The following ANK3 variants were observed in gnomAD, a reference collection of about 807,000 sequenced individuals.
ANK3 encodes the protein ankyrin 3.
Under a neutral mutation model 370.9 loss-of-function variants are expected in ANK3, and 57 were observed. The observed-to-expected ratio is 0.15, with a 90% confidence interval of 0.12 to 0.19. The LOEUF is 0.19. Among genes scored for constraint, ANK3 ranks in the 10% least tolerant of loss-of-function variants. ANK3 has a pLI of 1.00. For synonymous variants in ANK3, 1,929 were observed against 1,946.3 expected (o/e 0.99, Z 0.23); for missense variants, 4,439 against 5,302.1 (o/e 0.84, Z 5.06).
At chr10:60,525,655 C>T (rs1204614718) in intron 2 of ANK3, among the ~76,000 whole-genome samples, 1 of 151,976 alleles carries the variant, frequency 6.6e-6, no homozygotes, top group South Asian at 2.1e-4. Flanking sequence ...TTTTATTTTG[C>T]CAATATAAAA....
At chr10:60,064,349 AAAGT>A (rs1209617604) in intron 38 of ANK3, 61 bp from the exon 39 acceptor site, 1 of 1,477,812 alleles carries the variant, frequency 6.8e-7, no homozygotes, top group East Asian at 2.4e-5. Context: ...ACGTTTCATA[AAAGT>A]AATGCTCAAT....
At chr10:60,185,989 TCTC>T (rs1318134619) in intron 17 of ANK3, among the ~76,000 whole-genome samples, 3 of 152,138 alleles carry the variant, frequency 2.0e-5, no homozygotes, top group East Asian at 1.9e-4. Context: ...GCCAACAACT[TCTC>T]CTATCTACTC....
chr10:60,168,199 T>A lies in ANK3; in HGVS notation c.2479-1303A>T, dbSNP rs146460295. On this transcript the variant is annotated intron_variant, in intron 21 of 43. Transcript: ENST00000280772. ...CATGGCCACGCCCAGCTAATTTTTGTATTTTTAGTAGAGACAGGTTTTCAC... is the reference window on the plus strand; with the variant it reads ...CATGGCCACGCCCAGCTAATTTTTGAATTTTTAGTAGAGACAGGTTTTCAC... Among the ~76,000 whole-genome samples, 174 of 152,270 alleles carry A rather than the reference T, an allele frequency of 1.1e-3. 2 individuals carry two copies. The East Asian group carries it at 0.02, about 17-fold the overall frequency.
chr10:60,470,185 T>C (rs746196389), intron 2 of ANK3, among the ~76,000 whole-genome samples: 1 of 152,110 alleles, frequency 6.6e-6, no homozygotes, highest in African/African-American at 2.4e-5. Context: ...CATTTGAGCA[T>C]TGAAGAACTT....
chr10:60,325,078 G>A (rs1206061611), intron 1 of ANK3, among the ~76,000 whole-genome samples: 1 of 152,196 alleles, frequency 6.6e-6, no homozygotes, highest in Non-Finnish European at 1.5e-5. Flanking sequence ...CTTGAACCAA[G>A]CTAGGCTAAT....
At chr10:60,246,553 C>T (rs1057442561) in intron 7 of ANK3, among the ~76,000 whole-genome samples, 1 of 152,126 alleles carries the variant, frequency 6.6e-6, no homozygotes, top group African/African-American at 2.4e-5. Flanking sequence ...CCAACTAATC[C>T]CATTTGATCA....
chr10:60,649,436 T>C (rs1260355707), intron 1 of ANK3, among the ~76,000 whole-genome samples: 1 of 152,222 alleles, frequency 6.6e-6, no homozygotes, highest in Admixed American at 6.5e-5. Flanking sequence ...GTACTTCTGA[T>C]AACATCCTAG....
At chr10:60,639,131 C>T (rs2078594734) in intron 1 of ANK3, among the ~76,000 whole-genome samples, 1 of 151,762 alleles carries the variant, frequency 6.6e-6, no homozygotes. Flanking sequence ...TAAAAGCAGA[C>T]AGAGACAAAA....
rs758299609 is a variant in ANK3, at chr10:60,186,789, C to T, written c.2011G>A (p.Ala671Thr). The change falls in exon 17 of 44, where the codon GCA becomes ACA. Residue 671 changes from alanine to threonine, a missense_variant. Ala to Thr is a moderately conservative substitution (Grantham distance 58). This residue lies in a region of ANK3 where 192 missense variants were observed against 192.1 expected (regional missense o/e 1.00). Transcript: ENST00000280772. The part of the protein sequence containing the change: ...TRQGIASVHL[A>T]AQEGHVDMVS... ...ATGTCCACGTGCCCTTCCTGAGCTG[C>T]GAGATGGACGGAAGCAATTCCTTGC... 47 of 1,614,016 alleles carry T rather than the reference C, an allele frequency of 2.9e-5. No individual in the cohort carries two copies. The highest frequency in any genetic ancestry group is 3.6e-5 in the Non-Finnish European group (43 of 1,180,012).
Position 60,071,006 on chromosome 10 carries a change from T to C in ANK3, c.9875A>G (p.Lys3292Arg). 1 of 1,614,174 alleles carries C rather than the reference T, an allele frequency of 6.2e-7. No individual in the cohort carries two copies. The highest frequency in any genetic ancestry group is 8.5e-7 in the Non-Finnish European group (1 of 1,180,018). The change falls in exon 37 of 44, where the codon AAG becomes AGG. Residue 3292 changes from lysine to arginine, a missense_variant. By Grantham distance (26) the Lys-to-Arg change is conservative (BLOSUM62 2). This residue lies in a region of ANK3 where 1,601 missense variants were observed against 1,731.7 expected (regional missense o/e 0.92). Coordinates refer to ENST00000280772, the MANE Select transcript of ANK3 (RefSeq NM_020987.5). ...AATGACAGGTTCAGCCAGCTGGTACTTGTCATGCTCATCTTGCAGATTGAC... is the reference window on the plus strand; with the variant it reads ...AATGACAGGTTCAGCCAGCTGGTACCTGTCATGCTCATCTTGCAGATTGAC... ...IEVNLQDEHD[K>R]YQLAEPVIRV... is the part of the protein sequence containing the mutation.
At chr10:60,621,961 G>A (rs1220207005) in intron 1 of ANK3, among the ~76,000 whole-genome samples, 1 of 152,130 alleles carries the variant, frequency 6.6e-6, no homozygotes, top group East Asian at 1.9e-4. Flanking sequence ...CAATCTAGTA[G>A]TAATCACACA....
At chr10:60,465,826 A>T (rs1323976135) in intron 2 of ANK3, among the ~76,000 whole-genome samples, 2 of 135,774 alleles carry the variant, frequency 1.5e-5, no homozygotes, top group Non-Finnish European at 3.1e-5. Context: ...AGGACTTAGG[A>T]TGAAGAGTTA....
In ANK3 at chr10:60,076,218, C is replaced by T. The variant is rs371584557; in HGVS notation, c.4663G>A (p.Ala1555Thr). 2.0e-5 allele frequency: 32 copies of T among 1,613,998 alleles called. No homozygotes were observed. Among genetic ancestry groups the T allele is most frequent in the African/African-American group, 1.6e-4 (12 of 74,914 alleles). ...GATTTAACTGAAGATGTAGTTGACG[C>T]GCCTAATGTGGATTTGATTGGAGAA... Reference protein sequence around the residue: ...TPSPIKSTLGASTTSSVKSIS... With the variant: ...TPSPIKSTLGTSTTSSVKSIS... Residue 1555 changes from alanine (A) to threonine (T), a missense_variant, in exon 37 of 44, where the codon GCG becomes ACG. Physicochemically the swap from Ala to Thr is moderately conservative, Grantham distance 58. This residue lies in a region of ANK3 where 679 missense variants were observed against 791.0 expected (regional missense o/e 0.86). Transcript: ENST00000280772.
chr10:60,084,443 A>T, intron 32 of ANK3, 159 bp downstream of exon 32: 1 of 398,126 alleles, frequency 2.5e-6, no homozygotes, highest in Non-Finnish European at 4.3e-6. Flanking sequence ...ATTAAAAAAG[A>T]TAAAAAAATT....
At chr10:60,443,336 G>A (rs951539862) in intron 2 of ANK3, among the ~76,000 whole-genome samples, 5 of 151,924 alleles carry the variant, frequency 3.3e-5, no homozygotes, top group Non-Finnish European at 7.4e-5. Flanking sequence ...GGCTAGGAGT[G>A]GGGTGTGGGC....
intron 2 of ANK3, among the ~76,000 whole-genome samples, chr10:60,527,692 A>G (rs561909691): frequency 6.6e-6 from 1 of 152,316 alleles, no homozygotes; most frequent in South Asian, 2.1e-4. Context: ...GAGAAAGGAA[A>G]TAATCCCTGT....
At chr10:60,664,769 TAC>T (rs2078976327) in intron 1 of ANK3, among the ~76,000 whole-genome samples, 1 of 152,244 alleles carries the variant, frequency 6.6e-6, no homozygotes, top group South Asian at 2.1e-4. Flanking sequence ...TCATGTCATA[TAC>T]AATAATTCTC....
chr10:60,107,737 A>C (rs2092334376), intron 27 of ANK3, among the ~76,000 whole-genome samples: 1 of 152,208 alleles, frequency 6.6e-6, no homozygotes, highest in Admixed American at 6.5e-5. Flanking sequence ...TACTTTTAAA[A>C]GATCTAATTA....
intron 23 of ANK3, among the ~76,000 whole-genome samples, chr10:60,142,328 C>T (rs181822445): frequency 1.8e-4 from 27 of 152,142 alleles, no homozygotes; most frequent in African/African-American, 5.5e-4. Context: ...TTCTAGAAGC[C>T]GTCGCACCCT....
Sources: gnomAD v4.1 joint callset for allele counts (sites outside exome capture counted in the v4.1 genomes callset) on GRCh38, gnomAD v4.1.1 for gene constraint, gnomAD v4.1.1 regional missense constraint, MANE v1.5 for transcripts, NCBI Gene and HGNC (gene_info 2026-07-23, HGNC 2026-07-21) for gene names.